The following SMIM43 variants were observed in gnomAD, a reference collection of about 807,000 sequenced individuals.
The protein encoded by SMIM43 is Nodal Enhanced MEsendoderm Peptide.
upstream of SMIM43, chr4:121,765,412 CAGA>C (rs1261693812): frequency 4.4e-6 from 1 of 227,092 alleles, no homozygotes; most frequent in Admixed American, 5.7e-5. Context: ...GCACGGACGC[CAGA>C]AGAGGTAACA....
At chr4:121,764,785 A>C (rs1354384816) in intron 1 of SMIM43, 32 bp downstream of exon 1, 2 of 395,012 alleles carry the variant, frequency 5.1e-6, no homozygotes, top group African/African-American at 4.1e-5. Context: ...CTCACGCCGG[A>C]ACGGACCCGT....
chr4:121,761,749 G>T (rs1726080230), intron 4 of SMIM43, 54 bp from the exon 5 acceptor site: 10 of 1,610,460 alleles, frequency 6.2e-6, no homozygotes, highest in African/African-American at 1.3e-5. Context: ...TTTAGATTTT[G>T]CAGGTGTGAG....
At position 121,761,664 on chromosome 4, in the gene SMIM43, G is replaced by C; in HGVS notation, c.*373C>G. ...TCTCTTATTCTGTAGAATCGCACCA[G>C]ATGGCATCAGTTCTGCATCTACAGC... is the stretch of plus-strand genomic sequence containing the variant. On this transcript the variant is annotated 3_prime_UTR_variant, in exon 5 of 6. Coordinates refer to ENST00000643802, the MANE Select transcript of SMIM43 (RefSeq NM_001384332.1). 1.2e-6 allele frequency: 2 copies of C among 1,613,578 alleles called. No individual in the cohort carries two copies. The highest frequency in any genetic ancestry group is 2.2e-5 in the South Asian group (2 of 90,820).
chr4:121,762,187 A>G (rs1277712894), intron 3 of SMIM43, among the ~76,000 whole-genome samples: 2 of 152,196 alleles, frequency 1.3e-5, no homozygotes, highest in Non-Finnish European at 2.9e-5. Context: ...TGATTGTCAG[A>G]ACAGGGGATC....
chr4:121,763,622 C>T (rs1183422548), intron 2 of SMIM43, 142 bp downstream of exon 2: 1 of 152,190 alleles, frequency 6.6e-6, no homozygotes, highest in Non-Finnish European at 1.5e-5. Flanking sequence ...GGTAGAAGCT[C>T]ACCAGATTTG....
At chr4:121,760,611 T>C in intron 5 of SMIM43, 137 bp from the exon 6 acceptor site, 2 of 1,336,682 alleles carry the variant, frequency 1.5e-6, no homozygotes, top group Non-Finnish European at 1.9e-6. Flanking sequence ...TCTAATTTAT[T>C]TAAGCCGCTC....
intron 3 of SMIM43, 30 bp from the exon 4 acceptor site, chr4:121,761,922 A>G (rs771632203): frequency 6.5e-7 from 1 of 1,532,882 alleles, no homozygotes; most frequent in Non-Finnish European, 8.9e-7. Flanking sequence ...ATGAAATAAT[A>G]ACATTTGAAA....
chr4:121,760,786 C>T lies in SMIM43; in HGVS notation c.*500-312G>A, dbSNP rs189749188. Among the ~76,000 whole-genome samples the T allele has an allele frequency of 1.7e-4, 26 of 152,196 alleles. No homozygotes were observed. In the East Asian group the frequency reaches 4.4e-3, roughly 26 times the overall value. On this transcript the variant is annotated intron_variant, in intron 5 of 5. Coordinates refer to ENST00000643802, the MANE Select transcript of SMIM43 (RefSeq NM_001384332.1). ...AGAGTCATACTAATAAAACAAAAGT[C>T]GCAGATAATGGTTTTAGCTCAAACC...
intron 2 of SMIM43, among the ~76,000 whole-genome samples, chr4:121,763,128 T>A (rs4075066): frequency 6.6e-6 from 1 of 152,012 alleles, no homozygotes; most frequent in African/African-American, 2.4e-5. Context: ...GCTCATACCA[T>A]AATAATTAAA....
rs1309234608 is a variant in SMIM43, at chr4:121,759,468, T to C, written c.*1506A>G. 6 of 152,230 alleles carry C rather than the reference T, an allele frequency of 3.9e-5. No homozygotes were observed. The highest frequency in any genetic ancestry group is 7.3e-5 in the Non-Finnish European group (5 of 68,048). 9.4% of individuals were successfully genotyped at this position (152,230 alleles called of 1,614,324 possible). On this transcript the variant is annotated 3_prime_UTR_variant, in exon 6 of 6. Coordinates refer to ENST00000643802, the MANE Select transcript of SMIM43 (RefSeq NM_001384332.1). Reference sequence around the variant, plus strand: ...CCCCATTTGGCTATCTGAATTTAAATTAATTACAATTAAACAAAATTTAAA... The same window carrying C: ...CCCCATTTGGCTATCTGAATTTAAACTAATTACAATTAAACAAAATTTAAA...
intron 2 of SMIM43, among the ~76,000 whole-genome samples, chr4:121,763,099 G>C (rs1726156689): frequency 6.6e-6 from 1 of 152,202 alleles, no homozygotes. Context: ...CCATAACTCT[G>C]ATAAAGAGGT....
intron 5 of SMIM43, 52 bp downstream of exon 5, chr4:121,761,486 G>T: frequency 6.7e-7 from 1 of 1,501,344 alleles, no homozygotes; most frequent in Non-Finnish European, 8.9e-7. Flanking sequence ...AGACAAAATT[G>T]GAAATATAGA....
rs1275479117 is a variant in SMIM43 at position 121,760,402 on chromosome 4, A to G, written c.*572T>C. On this transcript the variant is annotated 3_prime_UTR_variant, in exon 6 of 6. Coordinates refer to ENST00000643802, the MANE Select transcript of SMIM43 (RefSeq NM_001384332.1). Reference sequence around the variant, plus strand: ...AGCTCTTTAAAAGGAAGTGGATTTGAACTGGCATGCCCCGTTTTCTCTGTG... The same window carrying G: ...AGCTCTTTAAAAGGAAGTGGATTTGGACTGGCATGCCCCGTTTTCTCTGTG... 2 of 1,583,936 alleles carry G rather than the reference A, an allele frequency of 1.3e-6. No homozygotes were observed. The highest frequency in any genetic ancestry group is 1.8e-5 in the Admixed American group (1 of 55,028).
At position 121,759,178 on chromosome 4, in the gene SMIM43, A is replaced by G. The variant is rs1725920477; in HGVS notation, c.*1796T>C. The stretch of plus-strand genomic sequence containing the variant: ...CATTTCTTCATGATCAATTATCACT[A>G]AAATCAGTCACAGGAACTATTCCCA... On this transcript the variant is annotated 3_prime_UTR_variant, in exon 6 of 6. Coordinates refer to ENST00000643802, the MANE Select transcript of SMIM43 (RefSeq NM_001384332.1). 6.6e-6 allele frequency: 1 copy of G among 152,234 alleles called. No homozygotes were observed. The highest frequency in any genetic ancestry group is 1.5e-5 in the Non-Finnish European group (1 of 68,042). The allele number at this position is 152,234 out of a possible 1,614,324, so 9.4% of individuals were successfully genotyped here.
Position 121,765,154 on chromosome 4 carries a change from A to G in SMIM43, c.-49T>C, listed in dbSNP as rs1035475838. ...GCCCTGCGCGCTCGGCGCGGGCTGC[A>G]GCTGGAGGGCGAGCGCGCCGCCCGC... On this transcript the variant is annotated 5_prime_UTR_variant, in exon 1 of 6. Transcript: ENST00000643802. The G allele has an allele frequency of 4.5e-4, 178 of 394,192 alleles. No individual in the cohort carries two copies. Among genetic ancestry groups the G allele is most frequent in the African/African-American group, 3.1e-3 (150 of 48,488 alleles). The allele number at this position is 394,192 out of a possible 1,614,324, so 24.4% of individuals were successfully genotyped here. A position where few individuals can be genotyped will look rare whatever the true frequency, so the allele number is the denominator to read the frequency against.
chr4:121,762,179 A>T (rs1726106990), intron 3 of SMIM43, among the ~76,000 whole-genome samples: 1 of 152,186 alleles, frequency 6.6e-6, no homozygotes, highest in African/African-American at 2.4e-5. Flanking sequence ...GCACATAGTG[A>T]TTGTCAGAAC....
chr4:121,765,110 G>T lies in SMIM43; in HGVS notation c.-5C>A. 2.5e-6 allele frequency: 1 copy of T among 397,264 alleles called. No homozygotes were observed. Among genetic ancestry groups the T allele is most frequent in the East Asian group, 3.6e-5 (1 of 27,970 alleles). 24.6% of individuals were successfully genotyped at this position (397,264 alleles called of 1,614,324 possible). The stretch of plus-strand genomic sequence containing the variant: ...CAAGTTGAGTTCCCACTCCATGCTG[G>T]AGGCGCCGGCGCTCGCTGGCCCTGC... On this transcript the variant is annotated 5_prime_UTR_variant, in exon 1 of 6. Transcript: ENST00000643802.
In SMIM43 at chr4:121,764,986, G is replaced by A; in HGVS notation, c.120C>T (p.Ala40=). 4 of 398,658 alleles carry A rather than the reference G, an allele frequency of 1.0e-5. No individual in the cohort carries two copies. Among genetic ancestry groups the A allele is most frequent in the Non-Finnish European group, 1.3e-5 (3 of 225,790 alleles). 24.7% of individuals were successfully genotyped at this position (398,658 alleles called of 1,614,324 possible). A position where few individuals can be genotyped will look rare whatever the true frequency, so the allele number is the denominator to read the frequency against. ...AGAGGCGCCCGGGCTGGAGCGCCCC[G>A]GCCGTGTTGGCCACGGAGTTCTTCA... is the stretch of plus-strand genomic sequence containing the variant. ...KQLKNSVANT[A]GALQPGRLSV... Residue 40 remains alanine (A), a synonymous_variant, in exon 1 of 6, where the codon GCC becomes GCT. Coordinates refer to ENST00000643802, the MANE Select transcript of SMIM43 (RefSeq NM_001384332.1).
intron 2 of SMIM43, 37 bp from the exon 3 acceptor site, chr4:121,762,835 A>G (rs898162036): frequency 6.6e-6 from 1 of 152,264 alleles, no homozygotes; most frequent in African/African-American, 2.4e-5. Flanking sequence ...CAAGAAGGCA[A>G]GCATGTGGTT....
Sources: gnomAD v4.1 joint callset for allele counts (sites outside exome capture counted in the v4.1 genomes callset) on GRCh38, gnomAD v4.1.1 for gene constraint, MANE v1.5 for transcripts, NCBI Gene and HGNC (gene_info 2026-07-23, HGNC 2026-07-21) for gene names.